Variants in KLHL30 observed in about 807,000 individuals in gnomAD.
The protein encoded by KLHL30 is kelch-like protein 30.
Under a neutral mutation model 55.0 loss-of-function variants are expected in KLHL30, and 55 were observed. The observed-to-expected ratio is 1.00, with a 90% CI of 0.80 to 1.25. The LOEUF is 1.25. Among genes scored for constraint, KLHL30 ranks in the 50% most tolerant of loss-of-function variants. The pLI, the probability that KLHL30 is intolerant of heterozygous loss-of-function variation, is 0.00. For missense variants in KLHL30, 786 were observed against 811.6 expected (o/e 0.97, Z 0.38); for synonymous variants, 356 against 372.6 (o/e 0.96, Z 0.51).
intron 3 of KLHL30, among the ~76,000 whole-genome samples, chr2:238,143,623 G>T (rs1178716084): frequency 6.6e-6 from 1 of 152,258 alleles, no homozygotes; most frequent in African/African-American, 2.4e-5. Context: ...CAGGCTGGCT[G>T]GTGTGGGGCC....
At chr2:238,139,203 G>A (rs933109014) in intron 1 of KLHL30, among the ~76,000 whole-genome samples, 8 of 152,212 alleles carry the variant, frequency 5.3e-5, no homozygotes, top group Non-Finnish European at 7.3e-5. Context: ...AAGTGGGGGC[G>A]CTCATGCGTG....
intron 1 of KLHL30, among the ~76,000 whole-genome samples, chr2:238,139,437 C>T (rs567235471): frequency 6.6e-6 from 1 of 152,292 alleles, no homozygotes; most frequent in African/African-American, 2.4e-5. Flanking sequence ...ACTTCGTGTA[C>T]CGGCCGGGAT....
Position 238,141,262 on chromosome 2 carries a change from G to A in KLHL30, c.508G>A (p.Glu170Lys), listed in dbSNP as rs779828832. The A allele has an allele frequency of 8.2e-5, 132 of 1,604,826 alleles. 1 individual carries two copies. In the Admixed American group the frequency reaches 1.9e-3, roughly 23 times the overall value. ...CTTTGAGGCTGTGGCACGTGAGGAC[G>A]AGTTCCTGCAGCTTCCCCGAGAGCG... ...ENFEAVARED[E>K]FLQLPRERLV... is the part of the protein sequence containing the mutation. Residue 170 changes from glutamate to lysine, a missense_variant, in exon 2 of 8, where the codon GAG becomes AAG. Glu to Lys is a moderately conservative substitution (Grantham distance 56). Transcript: ENST00000409223.
chr2:238,139,472 G>A (rs1166122406), intron 1 of KLHL30, among the ~76,000 whole-genome samples: 9 of 152,184 alleles, frequency 5.9e-5, no homozygotes, highest in Non-Finnish European at 1.3e-4. Flanking sequence ...CCCCGGCCAC[G>A]TGAGCTGCCC....
chr2:238,142,868 G>A lies in KLHL30; in HGVS notation c.844G>A (p.Glu282Lys), dbSNP rs1385229699. The change falls in exon 3 of 8, where the codon GAG (glutamate) becomes AAG (lysine). Residue 282 changes from glutamate to lysine, a missense_variant. Glu to Lys is a moderately conservative substitution (Grantham distance 56). Transcript: ENST00000409223. The part of the protein sequence containing the change: ...VVVGGQALEE[E>K]EAGEEPTPGL... Reference sequence around the variant, plus strand: ...GGTGGGCGGGCAGGCGCTGGAGGAGGAGGAGGCAGGTGAGGAGCCCACCCC... The same window carrying A: ...GGTGGGCGGGCAGGCGCTGGAGGAGAAGGAGGCAGGTGAGGAGCCCACCCC... 2 of 1,476,638 alleles carry A rather than the reference G, an allele frequency of 1.4e-6. No homozygotes were observed. Among genetic ancestry groups the A allele is most frequent in the Non-Finnish European group, 8.9e-7 (1 of 1,122,072 alleles). The allele number at this position is 1,476,638 out of a possible 1,614,324, so 91.5% of individuals were successfully genotyped here.
chr2:238,152,319 A>T lies in KLHL30; in HGVS notation c.*1254A>T. ...ACCCCTGAGCCTCTTGAGCTTCTGTAGGTAGGGATCTGCTTTGCTCCCAGA... is the reference window on the plus strand; with the variant it reads ...ACCCCTGAGCCTCTTGAGCTTCTGTTGGTAGGGATCTGCTTTGCTCCCAGA... On this transcript the variant is annotated 3_prime_UTR_variant, in exon 8 of 8. Coordinates refer to ENST00000409223, the MANE Select transcript of KLHL30 (RefSeq NM_198582.4). 3.2e-6 allele frequency: 1 copy of T among 314,142 alleles called. No homozygotes were observed. The highest frequency in any genetic ancestry group is 4.4e-6 in the Non-Finnish European group (1 of 225,534). The allele number at this position is 314,142 out of a possible 1,614,324, so 19.5% of individuals were successfully genotyped here.
intron 7 of KLHL30, among the ~76,000 whole-genome samples, chr2:238,150,272 C>T (rs1449709742): frequency 3.9e-5 from 6 of 152,182 alleles, no homozygotes; most frequent in Admixed American, 6.5e-5. Context: ...GGCCACAGAC[C>T]GGCCTCCCGC....
In KLHL30 at chr2:238,145,717, C is replaced by T. The variant is rs73999842; in HGVS notation, c.1035C>T (p.Thr345=). The change falls in exon 5 of 8, where the codon ACC becomes ACT. Residue 345 remains threonine, a synonymous_variant. Transcript: ENST00000409223. ...CAAAGACAGACACCTGGTCAACCACCCAGGCCTGGTGCTTCCCCCTGAAGG... is the reference window on the plus strand; with the variant it reads ...CAAAGACAGACACCTGGTCAACCACTCAGGCCTGGTGCTTCCCCCTGAAGG... ...RGTKTDTWST[T]QAWCFPLKEA... The T allele has an allele frequency of 0.046, 73,606 of 1,589,152 alleles. 2,545 individuals are homozygous for T. The highest frequency in any genetic ancestry group is 0.15 in the African/African-American group (11,397 of 74,332).
Position 238,145,737 on chromosome 2 carries a change from T to C in KLHL30, c.1055T>C (p.Leu352Pro). Residue 352 changes from leucine to proline, a missense_variant, in exon 5 of 8, where the codon CTG (leucine) becomes CCG (proline). By Grantham distance (98) the Leu-to-Pro change is moderately conservative (BLOSUM62 -3). Coordinates refer to ENST00000409223, the MANE Select transcript of KLHL30 (RefSeq NM_198582.4). ...WSTTQAWCFP[L>P]KEASWKPVAP... Reference sequence around the variant, plus strand: ...ACCACCCAGGCCTGGTGCTTCCCCCTGAAGGAGGCCTCCTGGAAGCCCGTG... The same window carrying C: ...ACCACCCAGGCCTGGTGCTTCCCCCCGAAGGAGGCCTCCTGGAAGCCCGTG... 1.3e-6 allele frequency: 2 copies of C among 1,597,734 alleles called. No individual in the cohort carries two copies. The highest frequency in any genetic ancestry group is 1.1e-5 in the South Asian group (1 of 87,852).
At chr2:238,150,622 C>A (rs555900964) in intron 7 of KLHL30, among the ~76,000 whole-genome samples, 192 bp from the exon 8 acceptor site, 1 of 152,156 alleles carries the variant, frequency 6.6e-6, no homozygotes, top group South Asian at 2.1e-4. Context: ...GACCTCCCCA[C>A]CAAAAGAAGA....
chr2:238,144,369 CGGAAGGAAGGAAGGAA>C (rs72453433), intron 3 of KLHL30, among the ~76,000 whole-genome samples: 1,304 of 78,336 alleles, frequency 0.017, 12 homozygotes, highest in East Asian at 0.038. Flanking sequence ...GGAGGGTGCT[CGGAAGGAAGGAAGGAA>C]GGAAGGAAGG....
intron 6 of KLHL30, 51 bp from the exon 7 acceptor site, chr2:238,148,956 G>A: frequency 6.5e-7 from 1 of 1,543,438 alleles, no homozygotes; most frequent in Non-Finnish European, 8.7e-7. Flanking sequence ...CAGTGCTAGT[G>A]CCCGCTCTGG....
chr2:238,146,666 C>A (rs1692653506), intron 5 of KLHL30, among the ~76,000 whole-genome samples: 1 of 151,124 alleles, frequency 6.6e-6, no homozygotes, highest in Non-Finnish European at 1.5e-5. Context: ...CTCAGCCTCC[C>A]AAAGTGCTGG....
In KLHL30 at chr2:238,147,005, CAAAA is replaced by C. The variant is rs11344818; in HGVS notation, c.1151-815_1151-812del. On this transcript the variant is annotated intron_variant, in intron 5 of 7. Transcript: ENST00000409223. The surrounding 1 kb of genome is among the most constrained non-coding windows in gnomAD (Gnocchi z 5.8). Reference sequence around the variant, plus strand: ...TAGGTGACAGGGTGAGACTCCATCTCAAAAAAAAAAAAAAAAAGGCAGGCATGGT... The same window carrying C: ...TAGGTGACAGGGTGAGACTCCATCTCAAAAAAAAAAAAAGGCAGGCATGGT... 4.5e-5 allele frequency among the ~76,000 whole-genome samples: 5 copies of C among 110,242 alleles called. No individual in the cohort carries two copies. Among genetic ancestry groups the C allele is most frequent in the Non-Finnish European group, 5.7e-5 (3 of 52,860 alleles). 72.3% of individuals were successfully genotyped at this position (110,242 alleles called of 152,430 possible). A position where few individuals can be genotyped will look rare whatever the true frequency, so the allele number is the denominator to read the frequency against.
At chr2:238,144,507 C>G (rs1335918508) in intron 3 of KLHL30, among the ~76,000 whole-genome samples, 3 of 151,288 alleles carry the variant, frequency 2.0e-5, no homozygotes, top group African/African-American at 7.3e-5. Flanking sequence ...TTATCACCCA[C>G]TAGTGACACC....
At chr2:238,149,909 C>T (rs1295907593) in intron 7 of KLHL30, among the ~76,000 whole-genome samples, 1 of 152,170 alleles carries the variant, frequency 6.6e-6, no homozygotes, top group African/African-American at 2.4e-5. Flanking sequence ...TGCCCTGGAC[C>T]TGCCCACCTG....
Position 238,149,010 on chromosome 2 carries a change from C to G in KLHL30, c.1343C>G (p.Ala448Gly). The G allele has an allele frequency of 6.3e-7, 1 of 1,595,272 alleles. No individual in the cohort carries two copies. The highest frequency in any genetic ancestry group is 2.3e-5 in the East Asian group (1 of 44,146). ...CCAGTGCCCGTGCCCCCCACAGATG[C>G]GTGGAGTGTGATCGCCTCGCCCTTC... ...ALQCYNPVTD[A>G]WSVIASPFLP... is the part of the protein sequence containing the mutation. Residue 448 changes from alanine (A) to glycine (G), a missense_variant, in exon 7 of 8, where the codon GCG becomes GGG. By Grantham distance (60) the Ala-to-Gly change is moderately conservative. Transcript: ENST00000409223.
chr2:238,140,325 G>A (rs577322255), intron 1 of KLHL30, among the ~76,000 whole-genome samples: 4 of 152,204 alleles, frequency 2.6e-5, no homozygotes, highest in Middle Eastern at 3.2e-3. Flanking sequence ...GACGCCTCCC[G>A]GGAGTTTGGG....
rs1692749220 is a variant in KLHL30, at chr2:238,151,108, C to T, written c.*43C>T. On this transcript the variant is annotated 3_prime_UTR_variant, in exon 8 of 8. Coordinates refer to ENST00000409223, the MANE Select transcript of KLHL30 (RefSeq NM_198582.4). ...CGGGGAGGAGTCCCCACAGCGGCCC[C>T]TCATCAGCCTGTGGAACGGCCCCTT... 3 of 1,547,068 alleles carry T rather than the reference C, an allele frequency of 1.9e-6. No individual in the cohort carries two copies. The highest frequency in any genetic ancestry group is 2.6e-6 in the Non-Finnish European group (3 of 1,143,610).
Sources: allele counts gnomAD v4.1 joint callset (sites outside exome capture counted in the v4.1 genomes callset), GRCh38; gene constraint gnomAD v4.1.1; non-coding constraint Gnocchi (gnomAD v3.1); transcripts MANE v1.5; gene names NCBI Gene and HGNC (gene_info 2026-07-23, HGNC 2026-07-21).